Variants in KDM5A observed in about 807,000 individuals in gnomAD.
The protein encoded by KDM5A is lysine demethylase 5A, also known as lysine-specific demethylase 5A.
A neutral mutation model predicts 193.5 loss-of-function variants in KDM5A; 42 were observed. The ratio of observed to expected loss-of-function variants is 0.22; its 90% CI spans 0.17 to 0.28. The LOEUF (loss-of-function observed/expected upper bound fraction) is 0.28, where lower values mean the gene tolerates loss of function less well. Ranked by LOEUF, KDM5A falls within the 10% of genes least tolerant of loss-of-function variation. The pLI, the probability that KDM5A is intolerant of heterozygous loss-of-function variation, is 1.00. For missense variants in KDM5A, 1,692 were observed against 2,055.1 expected (o/e 0.82, Z 3.42); for synonymous variants, 796 against 718.1 (o/e 1.11, Z -1.73).
At chr12:370,158 C>T (rs1195414152) in intron 3 of KDM5A, among the ~76,000 whole-genome samples, 11 of 152,076 alleles carry the variant, frequency 7.2e-5, no homozygotes, top group Non-Finnish European at 1.5e-4. Flanking sequence ...TTTGGGAGGC[C>T]GAGGCAGGTG....
intron 27 of KDM5A, among the ~76,000 whole-genome samples, chr12:291,688 T>C (rs1340541604): frequency 6.6e-6 from 1 of 152,156 alleles, no homozygotes; most frequent in African/African-American, 2.4e-5. Flanking sequence ...AAATATCAAA[T>C]AGTATAATGA....
intron 3 of KDM5A, among the ~76,000 whole-genome samples, chr12:377,147 C>A (rs191441129): frequency 2.0e-5 from 3 of 152,194 alleles, no homozygotes; most frequent in African/African-American, 7.2e-5. Flanking sequence ...CTCTTCCAGG[C>A]AACTATCCCT....
In KDM5A at chr12:389,043, G is replaced by C. The variant is rs1298936193; in HGVS notation, c.49C>G (p.Pro17Ala). 1 of 1,613,766 alleles carries C rather than the reference G, an allele frequency of 6.2e-7. No individual in the cohort carries two copies. Among genetic ancestry groups the C allele is most frequent in the Non-Finnish European group, 8.5e-7 (1 of 1,179,906 alleles). ...CTCGGCTCAAAGACGGGGCACTCTG[G>C]CGGTGGCACGAACTCCGCCGCGTAG... Reference protein sequence around the residue: ...GGYAAEFVPPPECPVFEPSWE... With the variant: ...GGYAAEFVPPAECPVFEPSWE... The change falls in exon 1 of 28, where the codon CCA becomes GCA. Residue 17 changes from proline (P) to alanine (A), a missense_variant. Transcript: ENST00000399788.
intron 27 of KDM5A, among the ~76,000 whole-genome samples, chr12:290,609 C>T (rs909542016): frequency 5.3e-5 from 8 of 152,062 alleles, no homozygotes; most frequent in Non-Finnish European, 1.2e-4. Flanking sequence ...TTAGCACTTA[C>T]GTTGCATTTT....
chr12:382,852 AC>A (rs1944592009), intron 3 of KDM5A, among the ~76,000 whole-genome samples: 1 of 151,958 alleles, frequency 6.6e-6, no homozygotes, highest in African/African-American at 2.4e-5. Flanking sequence ...GAATTGCTTG[AC>A]CCTGGGAGGC....
chr12:315,824 G>A (rs898265158), intron 19 of KDM5A, among the ~76,000 whole-genome samples: 1 of 152,196 alleles, frequency 6.6e-6, no homozygotes, highest in African/African-American at 2.4e-5. Context: ...ACATTAATGA[G>A]TCCAATTTTG....
rs934447012 is a variant in KDM5A, at chr12:323,885, G to A, written c.1969-104C>T. On this transcript the variant is annotated intron_variant, in intron 14 of 27. Transcript: ENST00000399788. ...TCTATAGACAAATCTCTGACTTAAA[G>A]GTATAAACATGAAAGGTACAATGGC... 5.6e-6 allele frequency: 5 copies of A among 890,498 alleles called. No homozygotes were observed. In the African/African-American group the frequency reaches 8.3e-5, roughly 15 times the overall value. The allele number at this position is 890,498 out of a possible 1,614,324, so 55.2% of individuals were successfully genotyped here. A position where few individuals can be genotyped will look rare whatever the true frequency, so the allele number is the denominator to read the frequency against.
chr12:350,892 T>C, intron 9 of KDM5A, 113 bp from the exon 10 acceptor site: 1 of 969,242 alleles, frequency 1.0e-6, no homozygotes, highest in Non-Finnish European at 1.6e-6. Context: ...AAAAATCTTC[T>C]GATTCCCTAG....
At position 365,941 on chromosome 12, in the gene KDM5A, C is replaced by G; in HGVS notation, c.530G>C (p.Ser177Thr). 1.2e-6 allele frequency: 2 copies of G among 1,613,690 alleles called. No homozygotes were observed. Among genetic ancestry groups the G allele is most frequent in the Non-Finnish European group, 8.5e-7 (1 of 1,179,626 alleles). ...AAGAATAATGCATCTCACCATAAGG[C>G]TCACACCAGACTGGAAAAGCTCATA... ...YPYELFQSGVSLMGVQMPNLD... is the reference protein window; with the variant it reads ...YPYELFQSGVTLMGVQMPNLD... Residue 177 changes from serine (S) to threonine (T), a missense_variant, in exon 4 of 28, where the codon AGC (serine) becomes ACC (threonine). Ser to Thr is a moderately conservative substitution (Grantham distance 58). Around this residue, in one of 11 missense-constraint regions of KDM5A, gnomAD observed 120 missense variants for 172.0 expected, o/e 0.70. Coordinates refer to ENST00000399788, the MANE Select transcript of KDM5A (RefSeq NM_001042603.3).
chr12:292,337 T>C (rs141846715), intron 27 of KDM5A, among the ~76,000 whole-genome samples: 1,644 of 152,326 alleles, frequency 0.011, 14 homozygotes, highest in Middle Eastern at 0.027. Context: ...TGGAATACCA[T>C]CTTAATGCAA....
At chr12:374,274 G>A (rs1003593381) in intron 3 of KDM5A, among the ~76,000 whole-genome samples, 10 of 152,132 alleles carry the variant, frequency 6.6e-5, no homozygotes, top group African/African-American at 2.2e-4. Flanking sequence ...CCTGTATTGG[G>A]TGCATATATA....
At chr12:322,647 CAAGT>C (rs1943732581) in intron 16 of KDM5A, 80 bp from the exon 17 acceptor site, 2 of 1,143,352 alleles carry the variant, frequency 1.7e-6, no homozygotes, top group African/African-American at 1.5e-5. Context: ...CAACCTCACT[CAAGT>C]GAGTCCCCAA....
At position 356,435 on chromosome 12, in the gene KDM5A, C is replaced by CTAA. The variant is rs1944230095; in HGVS notation, c.774_775insTTA (p.Lys258_Glu259insLeu). On this transcript the variant is annotated inframe_insertion, in exon 6 of 28. Transcript: ENST00000399788. ...ATGATCAAACAACAAATTTTACCTTCTTTATCTTTTGTTCCCATTGCCAAG... is the reference window on the plus strand; with the variant it reads ...ATGATCAAACAACAAATTTTACCTTCTAATTTATCTTTTGTTCCCATTGCCAAG... 6.3e-7 allele frequency: 1 copy of CTAA among 1,592,664 alleles called. No homozygotes were observed. Among genetic ancestry groups the CTAA allele is most frequent in the Non-Finnish European group, 8.6e-7 (1 of 1,160,498 alleles).
intron 3 of KDM5A, among the ~76,000 whole-genome samples, chr12:376,200 G>A (rs971576320): frequency 6.6e-6 from 1 of 152,246 alleles, no homozygotes; most frequent in Non-Finnish European, 1.5e-5. Context: ...GAGGAAGGCA[G>A]GCCTCCTTGA....
intron 6 of KDM5A, among the ~76,000 whole-genome samples, chr12:356,011 A>G (rs1944226041): frequency 6.6e-6 from 1 of 152,228 alleles, no homozygotes; most frequent in Non-Finnish European, 1.5e-5. Flanking sequence ...GAACTGACAT[A>G]ATATATCAAG....
chr12:342,607 G>C (rs1944020294), intron 10 of KDM5A, among the ~76,000 whole-genome samples: 2 of 151,910 alleles, frequency 1.3e-5, no homozygotes, highest in African/African-American at 4.8e-5. Context: ...TTACAGGCAA[G>C]CGCCACCACG....
At chr12:374,408 T>G (rs1466516526) in intron 3 of KDM5A, among the ~76,000 whole-genome samples, 1 of 152,178 alleles carries the variant, frequency 6.6e-6, no homozygotes, top group South Asian at 2.1e-4. Context: ...CCTGCCTTTT[T>G]TGTTTTCCAT....
chr12:385,047 G>A (rs1226123538), intron 2 of KDM5A, among the ~76,000 whole-genome samples: 1 of 152,026 alleles, frequency 6.6e-6, no homozygotes, highest in Non-Finnish European at 1.5e-5. Flanking sequence ...AAAATTAGCT[G>A]GGCATGGTCG....
At chr12:308,794 A>G (rs1357425124) in intron 22 of KDM5A, among the ~76,000 whole-genome samples, 1 of 152,234 alleles carries the variant, frequency 6.6e-6, no homozygotes, top group African/African-American at 2.4e-5. Context: ...TTGTAGGCAG[A>G]AAGAGCTATA....
Sources: allele counts gnomAD v4.1 joint callset (sites outside exome capture counted in the v4.1 genomes callset), GRCh38; gene constraint gnomAD v4.1.1; regional missense constraint gnomAD v4.1.1; transcripts MANE v1.5; gene names NCBI Gene and HGNC (gene_info 2026-07-23, HGNC 2026-07-21).